ZNF804A: variants seen among roughly 807,000 people sequenced by gnomAD.
ZNF804A encodes the protein zinc finger protein 804A.
Under a neutral mutation model 16.5 loss-of-function variants are expected in ZNF804A, and 2 were observed. That is an observed-to-expected ratio of 0.12 (90% CI 0.05 to 0.38). The LOEUF is 0.38. ZNF804A is among the 10% of genes least tolerant of loss of function. The pLI, the probability that ZNF804A is intolerant of heterozygous loss-of-function variation, is 0.99. For synonymous variants in ZNF804A, 534 were observed against 489.6 expected, an observed-to-expected ratio of 1.09 and a Z score of -1.20; for missense variants, 1,473 against 1,390.7, an observed-to-expected ratio of 1.06 and a Z score of -0.94.
chr2:184,848,932 A>G (rs909514657), intron 1 of ZNF804A, among the ~76,000 whole-genome samples: 5 of 152,226 alleles, frequency 3.3e-5, no homozygotes, highest in African/African-American at 1.2e-4. Context: ...AAAGCCTAGG[A>G]CAAAGGCTTG....
chr2:184,892,866 G>C (rs1347940392), intron 2 of ZNF804A, among the ~76,000 whole-genome samples: 8 of 151,904 alleles, frequency 5.3e-5, no homozygotes, highest in Admixed American at 1.3e-4. Flanking sequence ...TTTTAATTCT[G>C]CCTGGTTGTA....
chr2:184,872,317 CA>C (rs1695990067), intron 2 of ZNF804A, among the ~76,000 whole-genome samples: 1 of 152,010 alleles, frequency 6.6e-6, no homozygotes, highest in African/African-American at 2.4e-5. Flanking sequence ...ATTCTTTGAA[CA>C]GTATACTGAG....
chr2:184,820,149 A>T (rs569750011), intron 1 of ZNF804A, among the ~76,000 whole-genome samples: 11 of 152,242 alleles, frequency 7.2e-5, no homozygotes, highest in African/African-American at 2.4e-4. Flanking sequence ...CCTGATGAAC[A>T]TTGATGCAAA....
At chr2:184,921,767 C>T (rs957522397) in intron 2 of ZNF804A, among the ~76,000 whole-genome samples, 59 of 151,988 alleles carry the variant, frequency 3.9e-4, no homozygotes, top group African/African-American at 1.4e-3. Flanking sequence ...CCCCACTTAC[C>T]CTACCCCCAG....
intron 1 of ZNF804A, among the ~76,000 whole-genome samples, chr2:184,644,864 T>C (rs1227605690): frequency 6.6e-6 from 1 of 152,098 alleles, no homozygotes; most frequent in Non-Finnish European, 1.5e-5. Flanking sequence ...TGTTTAATAT[T>C]GTACCACACT....
chr2:184,764,029 C>G (rs948278150), intron 1 of ZNF804A, among the ~76,000 whole-genome samples: 2 of 152,064 alleles, frequency 1.3e-5, no homozygotes, highest in African/African-American at 4.8e-5. Flanking sequence ...TTATTATTCA[C>G]TACTTTGAGT....
chr2:184,795,524 A>G (rs1239018230), intron 1 of ZNF804A, among the ~76,000 whole-genome samples: 1 of 152,146 alleles, frequency 6.6e-6, no homozygotes, highest in East Asian at 1.9e-4. Flanking sequence ...AGAGAAAAAA[A>G]GAACAAATCA....
chr2:184,633,373 A>G (rs1691643479), intron 1 of ZNF804A, among the ~76,000 whole-genome samples: 1 of 152,150 alleles, frequency 6.6e-6, no homozygotes, highest in African/African-American at 2.4e-5. Context: ...TTTAAATAAA[A>G]AGTAGGTGGC....
chr2:184,932,747 G>C (rs1262721962), intron 2 of ZNF804A, among the ~76,000 whole-genome samples: 3 of 152,094 alleles, frequency 2.0e-5, no homozygotes, highest in African/African-American at 7.2e-5. Flanking sequence ...AAAGTACATA[G>C]TGAAAATATT....
chr2:184,610,616 A>G (rs1003683967), intron 1 of ZNF804A, among the ~76,000 whole-genome samples: 8 of 152,180 alleles, frequency 5.3e-5, no homozygotes, highest in Non-Finnish European at 1.2e-4. Context: ...CCCCCAAGAA[A>G]GTATCAATGG....
intron 1 of ZNF804A, among the ~76,000 whole-genome samples, chr2:184,613,809 T>A (rs948763538): frequency 6.6e-6 from 1 of 152,080 alleles, no homozygotes; most frequent in Non-Finnish European, 1.5e-5. Flanking sequence ...GGAAAAATAT[T>A]CCATATTCAT....
At chr2:184,835,730 G>A (rs1695335497) in intron 1 of ZNF804A, among the ~76,000 whole-genome samples, 1 of 151,776 alleles carries the variant, frequency 6.6e-6, no homozygotes, top group Non-Finnish European at 1.5e-5. Context: ...AGGACTAACA[G>A]ACTCAGACAC....
intron 1 of ZNF804A, among the ~76,000 whole-genome samples, chr2:184,771,117 C>T (rs371331986): frequency 6.6e-6 from 1 of 151,966 alleles, no homozygotes; most frequent in Non-Finnish European, 1.5e-5. Flanking sequence ...AAAGAAATTA[C>T]TCTCATAACC....
At chr2:184,879,496 C>T (rs1241706586) in intron 2 of ZNF804A, among the ~76,000 whole-genome samples, 1 of 151,862 alleles carries the variant, frequency 6.6e-6, no homozygotes, top group African/African-American at 2.4e-5. Flanking sequence ...AATCAATTTA[C>T]AACAAACTGA....
chr2:184,788,816 A>G (rs993303682), intron 1 of ZNF804A, among the ~76,000 whole-genome samples: 1 of 151,936 alleles, frequency 6.6e-6, no homozygotes, highest in Non-Finnish European at 1.5e-5. Flanking sequence ...ATTTGGATGC[A>G]TTTAATGTTT....
At chr2:184,737,532 T>A (rs1160066012) in intron 1 of ZNF804A, among the ~76,000 whole-genome samples, 1 of 152,186 alleles carries the variant, frequency 6.6e-6, no homozygotes, top group African/African-American at 2.4e-5. Context: ...TTTGAACATG[T>A]TTATGTAATT....
At chr2:184,743,960 T>G (rs560912465) in intron 1 of ZNF804A, among the ~76,000 whole-genome samples, 9 of 152,066 alleles carry the variant, frequency 5.9e-5, no homozygotes, top group African/African-American at 2.2e-4. Flanking sequence ...TAATGTGTGG[T>G]CATCATTATA....
chr2:184,734,073 T>C (rs1359787583), intron 1 of ZNF804A, among the ~76,000 whole-genome samples: 1 of 152,142 alleles, frequency 6.6e-6, no homozygotes, highest in East Asian at 1.9e-4. Flanking sequence ...TCTATTTATG[T>C]ATTTATTTGA....
chr2:184,832,634 A>T (rs1236720406), intron 1 of ZNF804A, among the ~76,000 whole-genome samples: 1 of 151,430 alleles, frequency 6.6e-6, no homozygotes, highest in Admixed American at 6.6e-5. Flanking sequence ...ATCTTCTCTT[A>T]TTTTTTTTAT....
Sources: allele counts gnomAD v4.1 joint callset (sites outside exome capture counted in the v4.1 genomes callset), GRCh38; gene constraint gnomAD v4.1.1; transcripts MANE v1.5; gene names NCBI Gene and HGNC (gene_info 2026-07-23, HGNC 2026-07-21).